Variants in XPO4 observed in about 807,000 individuals in gnomAD.
XPO4 encodes exportin-4.
A neutral mutation model predicts 143.0 loss-of-function variants in XPO4; 39 were observed. The ratio of observed to expected loss-of-function variants is 0.27; its 90% CI spans 0.21 to 0.36. The LOEUF is 0.36. Among genes scored for constraint, XPO4 ranks in the 10% least tolerant of loss-of-function variants. The pLI, the probability that XPO4 is intolerant of heterozygous loss-of-function variation, is 1.00. For missense variants in XPO4, 907 were observed against 1,348.0 expected (o/e 0.67, Z 5.12); for synonymous variants, 439 against 474.0 (o/e 0.93, Z 0.96).
At chr13:20,868,391 GA>G in intron 2 of XPO4, 2 of 793,548 alleles carry the variant, frequency 2.5e-6, no homozygotes, top group Non-Finnish European at 3.5e-6. Context: ...ATCTAGGGGG[GA>G]AAAATCCAAA....
intron 8 of XPO4, 110 bp from the exon 9 acceptor site, chr13:20,821,988 G>A: frequency 7.3e-7 from 1 of 1,364,850 alleles, no homozygotes; most frequent in Non-Finnish European, 9.8e-7. Flanking sequence ...TAAAAGGTAT[G>A]TCTCTGTTTA....
intron 9 of XPO4, among the ~76,000 whole-genome samples, chr13:20,817,352 T>A (rs1245581620): frequency 6.6e-6 from 1 of 152,204 alleles, no homozygotes. Flanking sequence ...ATACACTCAC[T>A]CACTTGACAA....
chr13:20,790,339 G>C (rs2059264656), intron 19 of XPO4, 123 bp downstream of exon 19: 2 of 756,808 alleles, frequency 2.6e-6, no homozygotes. Context: ...TACAAAAATT[G>C]TATCTTCATG....
intron 6 of XPO4, among the ~76,000 whole-genome samples, chr13:20,827,975 C>T (rs1043611930): frequency 2.6e-5 from 4 of 152,176 alleles, no homozygotes; most frequent in Admixed American, 6.5e-5. Flanking sequence ...CGGTGGCTCA[C>T]GCCTGTAATC....
chr13:20,781,707 G>A lies in XPO4; in HGVS notation c.*2015C>T, dbSNP rs1421760770. On this transcript the variant is annotated 3_prime_UTR_variant, in exon 23 of 23. Transcript: ENST00000255305. ...TGATTATAGTTTTGTCATGGCGCGT[G>A]GACCTGTCCAGTCAATTGTGTGTTT... The A allele has an allele frequency of 6.6e-6, 1 of 151,948 alleles. No homozygotes were observed. Among genetic ancestry groups the A allele is most frequent in the East Asian group, 1.9e-4 (1 of 5,196 alleles). The allele number at this position is 151,948 out of a possible 1,614,324, so 9.4% of individuals were successfully genotyped here.
rs200559930 is a variant in XPO4, at chr13:20,801,005, C to A, written c.1818-15G>T. The A allele has an allele frequency of 3.3e-4, 532 of 1,605,394 alleles. 4 individuals are homozygous for A. The African/African-American group carries it at 6.6e-3, about 20-fold the overall frequency. On this transcript the variant is annotated splice_polypyrimidine_tract_variant and intron_variant, in intron 13 of 22. Coordinates refer to ENST00000255305, the MANE Select transcript of XPO4 (RefSeq NM_022459.5). ...CAGACAACAGCCTGTAGGTATAAAA[C>A]AGAAGTCATTTATTCTTTTATTTAT...
At chr13:20,899,530 T>C (rs1385246449) in intron 1 of XPO4, among the ~76,000 whole-genome samples, 8 of 152,108 alleles carry the variant, frequency 5.3e-5, no homozygotes, top group Non-Finnish European at 2.9e-5. Context: ...TATTTTTCAG[T>C]TTCTAGTCTC....
In XPO4 at chr13:20,849,942, C is replaced by T. The variant is rs188908300; in HGVS notation, c.456+5685G>A. 206 of 591,036 alleles carry T rather than the reference C, an allele frequency of 3.5e-4. No individual in the cohort carries two copies. In the African/African-American group the frequency reaches 3.7e-3, roughly 11 times the overall value. The allele number at this position is 591,036 out of a possible 1,614,324, so 36.6% of individuals were successfully genotyped here. ...CCAACATGGCAAAACCCCATCTCTA[C>T]TAAAAATATAAAAATTAGCCGGGCA... On this transcript the variant is annotated intron_variant, in intron 4 of 22. Coordinates refer to ENST00000255305, the MANE Select transcript of XPO4 (RefSeq NM_022459.5).
chr13:20,857,931 C>CTG, intron 3 of XPO4: 2 of 985,036 alleles, frequency 2.0e-6, no homozygotes, highest in Non-Finnish European at 2.4e-6. Flanking sequence ...AGAAAAAATT[C>CTG]TGTGCATGTA....
chr13:20,783,966 T>C (rs1264223297), intron 22 of XPO4, 47 bp from the exon 23 acceptor site: 6 of 1,576,880 alleles, frequency 3.8e-6, no homozygotes, highest in Non-Finnish European at 5.2e-6. Flanking sequence ...TAGAATATCA[T>C]ACAAGTAGAT....
intron 6 of XPO4, among the ~76,000 whole-genome samples, chr13:20,838,320 C>T (rs1020167787): frequency 4.6e-5 from 7 of 151,880 alleles, no homozygotes; most frequent in African/African-American, 1.7e-4. Flanking sequence ...TAAGAAATTA[C>T]ATTTTGGGGC....
chr13:20,872,757 T>A (rs1486960408), intron 1 of XPO4, among the ~76,000 whole-genome samples: 3 of 152,158 alleles, frequency 2.0e-5, no homozygotes, highest in Non-Finnish European at 4.4e-5. Flanking sequence ...CCAGGTAGTA[T>A]GACTCCAGGG....
At chr13:20,893,750 G>A (rs1283597829) in intron 1 of XPO4, among the ~76,000 whole-genome samples, 3 of 151,098 alleles carry the variant, frequency 2.0e-5, no homozygotes, top group African/African-American at 4.9e-5. Flanking sequence ...CTGGCTGACA[G>A]GGTGAGACTC....
Position 20,822,295 on chromosome 13 carries a change from A to G in XPO4, c.841-6T>C. The G allele has an allele frequency of 6.2e-7, 1 of 1,610,070 alleles. No individual in the cohort carries two copies. The highest frequency in any genetic ancestry group is 8.5e-7 in the Non-Finnish European group (1 of 1,177,952). The stretch of plus-strand genomic sequence containing the variant: ...TCTCTGATTTTTCGATGTACCTGTT[A>G]GAAAGAATTACTAATCCATAAATAT... On this transcript the variant is annotated splice_region_variant and splice_polypyrimidine_tract_variant and intron_variant, in intron 7 of 22. Coordinates refer to ENST00000255305, the MANE Select transcript of XPO4 (RefSeq NM_022459.5).
intron 9 of XPO4, among the ~76,000 whole-genome samples, chr13:20,813,778 C>T (rs1426116179): frequency 2.0e-5 from 3 of 151,864 alleles, no homozygotes; most frequent in East Asian, 3.9e-4. Flanking sequence ...GCCAACATGG[C>T]GAAACTCCGT....
intron 13 of XPO4, among the ~76,000 whole-genome samples, chr13:20,806,350 A>G (rs1273420582): frequency 1.3e-5 from 2 of 152,156 alleles, no homozygotes; most frequent in Non-Finnish European, 2.9e-5. Flanking sequence ...GCATGTTTAA[A>G]TGATATCCAT....
chr13:20,857,659 G>A (rs1004424210), intron 3 of XPO4, among the ~76,000 whole-genome samples: 10 of 152,054 alleles, frequency 6.6e-5, no homozygotes, highest in African/African-American at 1.9e-4. Flanking sequence ...CCCGGGAGGC[G>A]GAGCTTGCAG....
chr13:20,880,325 G>C (rs1303379579), intron 1 of XPO4, among the ~76,000 whole-genome samples: 1 of 152,096 alleles, frequency 6.6e-6, no homozygotes, highest in Non-Finnish European at 1.5e-5. Context: ...CCAGCTACTC[G>C]GGAAGCTGAG....
chr13:20,884,360 G>A (rs950102164), intron 1 of XPO4, among the ~76,000 whole-genome samples: 1 of 152,144 alleles, frequency 6.6e-6, no homozygotes, highest in Admixed American at 6.5e-5. Flanking sequence ...CTGGGCAAGA[G>A]GGTGAGACCC....
Sources: allele counts gnomAD v4.1 joint callset (sites outside exome capture counted in the v4.1 genomes callset), GRCh38; gene constraint gnomAD v4.1.1; transcripts MANE v1.5; gene names NCBI Gene and HGNC (gene_info 2026-07-23, HGNC 2026-07-21).